SOCS7: variants seen among roughly 807,000 people sequenced by gnomAD.
The protein encoded by SOCS7 is NAP-4.
In SOCS7, 18 loss-of-function variants were observed where a neutral mutation model predicts 58.9. That is an observed-to-expected ratio of 0.31 (90% confidence interval 0.21 to 0.45). The LOEUF is 0.45. SOCS7 is among the 20% of genes least tolerant of loss of function. SOCS7 has a pLI of 1.00. For missense variants in SOCS7, 667 were observed against 837.3 expected, an observed-to-expected ratio of 0.80 and a Z score of 2.51; for synonymous variants, 388 against 364.3, an observed-to-expected ratio of 1.06 and a Z score of -0.74.
intron 7 of SOCS7, among the ~76,000 whole-genome samples, chr17:38,381,946 C>CAAGAA (rs2038006366): frequency 5.7e-5 from 1 of 17,672 alleles, no homozygotes; most frequent in African/African-American, 2.0e-4. Flanking sequence ...GACTCTGTCT[C>CAAGAA]AAAAAAAAAA....
chr17:38,393,794 G>A (rs1449894431), intron 7 of SOCS7, among the ~76,000 whole-genome samples: 1 of 150,360 alleles, frequency 6.7e-6, no homozygotes, highest in Non-Finnish European at 1.5e-5. Flanking sequence ...CAGCTACTCG[G>A]GAGGCTGAGG....
In SOCS7 at chr17:38,352,334, G is replaced by T; in HGVS notation, c.282G>T (p.Arg94=). ...GACCCTCGGAACTGCTGTGTCCCCG[G>T]CACCGCTGTGCCCTGGACCCCAAGG... The part of the protein sequence containing the change: ...EPGPSELLCP[R]HRCALDPKAL... The change falls in exon 1 of 10, where the codon CGG becomes CGT. Residue 94 remains arginine (R), a synonymous_variant. Coordinates refer to ENST00000612932, the MANE Select transcript of SOCS7 (RefSeq NM_014598.4). The surrounding 1 kb of genome is among the most constrained non-coding windows in gnomAD (Gnocchi z 5.5). 6.7e-7 allele frequency: 1 copy of T among 1,481,540 alleles called. No individual in the cohort carries two copies. Among genetic ancestry groups the T allele is most frequent in the South Asian group, 1.3e-5 (1 of 77,032 alleles). The allele number at this position is 1,481,540 out of a possible 1,614,324, so 91.8% of individuals were successfully genotyped here. A position where few individuals can be genotyped will look rare whatever the true frequency, so the allele number is the denominator to read the frequency against.
chr17:38,381,946 CAAAAAAAA>C (rs55949628), intron 7 of SOCS7, among the ~76,000 whole-genome samples: 3 of 17,672 alleles, frequency 1.7e-4, no homozygotes, highest in South Asian at 4.6e-3. Context: ...GACTCTGTCT[CAAAAAAAA>C]AAAAAAAAAA....
In SOCS7 at chr17:38,389,457, G is replaced by C. The variant is rs551452711; in HGVS notation, c.1682-5852G>C. The stretch of plus-strand genomic sequence containing the variant: ...TGTAGTCCTAGCTACTTGGAAGACT[G>C]AGATGGGAGGATTGCTTGAGTCCAG... On this transcript the variant is annotated intron_variant, in intron 7 of 9. Coordinates refer to ENST00000612932, the MANE Select transcript of SOCS7 (RefSeq NM_014598.4). 6.5e-3 allele frequency among the ~76,000 whole-genome samples: 987 copies of C among 152,258 alleles called. 11 individuals carry two copies. The highest frequency in any genetic ancestry group is 0.022 in the African/African-American group (919 of 41,538).
chr17:38,403,635 T>C lies in SOCS7; in HGVS notation c.*4153T>C, dbSNP rs146044214. Reference sequence around the variant, plus strand: ...ATGTGTGTGTGTGTGTGTGTCCTCATTTGCAGAAGTCTTGCTACCAGTTAG... The same window carrying C: ...ATGTGTGTGTGTGTGTGTGTCCTCACTTGCAGAAGTCTTGCTACCAGTTAG... On this transcript the variant is annotated 3_prime_UTR_variant, in exon 10 of 10. Transcript: ENST00000612932. 9.2e-5 allele frequency: 14 copies of C among 152,336 alleles called. No homozygotes were observed. In the East Asian group the frequency reaches 2.7e-3, roughly 29 times the overall value. 9.4% of individuals were successfully genotyped at this position (152,336 alleles called of 1,614,324 possible).
chr17:38,355,389 GT>G (rs750341057), intron 1 of SOCS7, among the ~76,000 whole-genome samples: 2 of 152,186 alleles, frequency 1.3e-5, no homozygotes, highest in Non-Finnish European at 2.9e-5. Context: ...TTAGGATTTG[GT>G]GCTGCTTGTG....
chr17:38,397,064 A>T (rs563804482), intron 9 of SOCS7, among the ~76,000 whole-genome samples: 1 of 152,318 alleles, frequency 6.6e-6, no homozygotes, highest in African/African-American at 2.4e-5. Flanking sequence ...GCAGTGCTGT[A>T]GAAGAACCCA....
chr17:38,356,361 A>G (rs2037637880), intron 1 of SOCS7, among the ~76,000 whole-genome samples: 2 of 151,278 alleles, frequency 1.3e-5, no homozygotes, highest in Admixed American at 1.3e-4. Flanking sequence ...AGCCTGGGCA[A>G]CAGAGCCAGA....
At chr17:38,388,649 C>T (rs1215116440) in intron 7 of SOCS7, among the ~76,000 whole-genome samples, 1 of 152,166 alleles carries the variant, frequency 6.6e-6, no homozygotes, top group African/African-American at 2.4e-5. Flanking sequence ...TTAGCAGTTA[C>T]TCCGTATTCC....
Position 38,352,731 on chromosome 17 carries a change from C to G in SOCS7, c.679C>G (p.Pro227Ala), listed in dbSNP as rs201639550. The change falls in exon 1 of 10, where the codon CCC becomes GCC. Residue 227 changes from proline (P) to alanine (A), a missense_variant. By Grantham distance (27) the Pro-to-Ala change is conservative. Transcript: ENST00000612932. The surrounding 1 kb of genome is among the most constrained non-coding windows in gnomAD (Gnocchi z 5.5). ...QPPGPELPPV[P>A]FPLQDLVPLG... ...CCCAGGCCCTGAATTACCTCCGGTGCCCTTCCCGCTGCAGGACTTGGTCCC... is the reference window on the plus strand; with the variant it reads ...CCCAGGCCCTGAATTACCTCCGGTGGCCTTCCCGCTGCAGGACTTGGTCCC... 270 of 1,549,960 alleles carry G rather than the reference C, an allele frequency of 1.7e-4. No homozygotes were observed. In the East Asian group the frequency reaches 6.5e-3, roughly 37 times the overall value.
At position 38,366,290 on chromosome 17, in the gene SOCS7, C is replaced by A. The variant is rs1356905263; in HGVS notation, c.1256C>A (p.Ala419Glu). 1.2e-6 allele frequency: 2 copies of A among 1,613,956 alleles called. No individual in the cohort carries two copies. Among genetic ancestry groups the A allele is most frequent in the Non-Finnish European group, 1.7e-6 (2 of 1,179,908 alleles). ...CCACCACTGTCTTGCCCTGCAGATG[C>A]ATTTCCCCGGATTGCTCCCATCCGA... ...PPPPPPHAPDAFPRIAPIRAA... is the reference protein window; with the variant it reads ...PPPPPPHAPDEFPRIAPIRAA... Residue 419 changes from alanine to glutamate, a missense_variant, in exon 5 of 10, where the codon GCA (alanine) becomes GAA (glutamate). Coordinates refer to ENST00000612932, the MANE Select transcript of SOCS7 (RefSeq NM_014598.4).
chr17:38,398,964 C>T (rs1387138566), intron 9 of SOCS7, among the ~76,000 whole-genome samples: 2 of 152,062 alleles, frequency 1.3e-5, no homozygotes, highest in Non-Finnish European at 2.9e-5. Context: ...GTGGCGCATG[C>T]CTGTAATCCC....
At chr17:38,363,032 T>G (rs1555567801) in intron 2 of SOCS7, among the ~76,000 whole-genome samples, 1 of 152,080 alleles carries the variant, frequency 6.6e-6, no homozygotes. Context: ...GAGAATCGCT[T>G]GAACCCGAGA....
At chr17:38,391,824 A>C (rs989070902) in intron 7 of SOCS7, among the ~76,000 whole-genome samples, 7 of 152,216 alleles carry the variant, frequency 4.6e-5, no homozygotes, top group Non-Finnish European at 7.3e-5. Context: ...TGGAATGTGA[A>C]ACAGATGTGA....
chr17:38,356,548 A>G (rs1373151844), intron 1 of SOCS7, among the ~76,000 whole-genome samples: 2 of 151,980 alleles, frequency 1.3e-5, no homozygotes, highest in Non-Finnish European at 2.9e-5. Context: ...GTATTTTAGT[A>G]GAGACGGCGT....
At chr17:38,392,502 G>A (rs2038184849) in intron 7 of SOCS7, among the ~76,000 whole-genome samples, 1 of 152,098 alleles carries the variant, frequency 6.6e-6, no homozygotes, top group South Asian at 2.1e-4. Flanking sequence ...TACCAGTGAG[G>A]GACAGGACAA....
chr17:38,356,678 T>A (rs1486697310), intron 1 of SOCS7, among the ~76,000 whole-genome samples: 1 of 151,454 alleles, frequency 6.6e-6, no homozygotes, highest in Non-Finnish European at 1.5e-5. Context: ...TCCATCTCTT[T>A]AAAAAGAAAG....
intron 7 of SOCS7, among the ~76,000 whole-genome samples, chr17:38,381,948 A>C (rs2038006408): frequency 8.2e-6 from 1 of 122,236 alleles, no homozygotes; most frequent in African/African-American, 3.8e-5. Flanking sequence ...CTCTGTCTCA[A>C]AAAAAAAAAA....
At chr17:38,357,840 T>A (rs1457931557) in intron 1 of SOCS7, among the ~76,000 whole-genome samples, 2 of 152,230 alleles carry the variant, frequency 1.3e-5, no homozygotes, top group Non-Finnish European at 2.9e-5. Context: ...ATGGGCAAGA[T>A]AGGTTATTAT....
Sources: allele counts gnomAD v4.1 joint callset (sites outside exome capture counted in the v4.1 genomes callset), GRCh38; gene constraint gnomAD v4.1.1; non-coding constraint Gnocchi (gnomAD v3.1); transcripts MANE v1.5; gene names NCBI Gene and HGNC (gene_info 2026-07-23, HGNC 2026-07-21).